Variants in ANO1 observed in about 807,000 individuals in gnomAD.
The protein encoded by ANO1 is anoctamin-1.
In ANO1, 59 loss-of-function variants were observed where a neutral mutation model predicts 124.0. The observed-to-expected ratio is 0.48, with a 90% confidence interval of 0.39 to 0.59. The LOEUF is 0.59. Among genes scored for constraint, ANO1 ranks in the 20% least tolerant of loss-of-function variants. The probability of loss-of-function intolerance (pLI) is 0.00; values close to 1 mark genes in which losing one functional copy is unlikely to be tolerated. For synonymous variants in ANO1, 529 were observed against 532.0 expected (o/e 0.99, Z 0.08); for missense variants, 1,059 against 1,328.0 (o/e 0.80, Z 3.15).
intron 1 of ANO1, among the ~76,000 whole-genome samples, chr11:70,086,756 C>T (rs1229000161): frequency 6.6e-6 from 1 of 152,218 alleles, no homozygotes; most frequent in Admixed American, 6.5e-5. Context: ...CAGGACGGAC[C>T]CCAGCTGCAC....
At position 70,078,469 on chromosome 11, in the gene ANO1, C is replaced by T. The variant is rs886516957; in HGVS notation, c.-138C>T. The T allele has an allele frequency of 4.5e-5, 10 of 219,872 alleles. No individual in the cohort carries two copies. Among genetic ancestry groups the T allele is most frequent in the African/African-American group, 2.1e-4 (9 of 42,158 alleles). 13.6% of individuals were successfully genotyped at this position (219,872 alleles called of 1,614,324 possible). On this transcript the variant is annotated 5_prime_UTR_variant, in exon 1 of 26. Transcript: ENST00000355303. Reference sequence around the variant, plus strand: ...GGGCGGAGCGGGAGGCGGCCACGTCCCCGGCGGGCCTGGGCGCGGGGAGGC... The same window carrying T: ...GGGCGGAGCGGGAGGCGGCCACGTCTCCGGCGGGCCTGGGCGCGGGGAGGC...
At chr11:70,048,699 C>G (rs564480306) in intron 1 of ANO1, among the ~76,000 whole-genome samples, 7 of 148,270 alleles carry the variant, frequency 4.7e-5, no homozygotes, top group Non-Finnish European at 7.4e-5. Context: ...CTCTTCTCCA[C>G]CCCCCACCGC....
chr11:69,995,157 T>C (rs1448893218), intron 1 of ANO1, among the ~76,000 whole-genome samples: 2 of 148,418 alleles, frequency 1.3e-5, no homozygotes, highest in Non-Finnish European at 3.0e-5. Context: ...TGGAGTGCAA[T>C]GGCGTGATCT....
intron 21 of ANO1, 36 bp from the exon 22 acceptor site, chr11:70,170,851 C>T (rs766258311): frequency 3.7e-6 from 6 of 1,603,744 alleles, no homozygotes; most frequent in Admixed American, 1.7e-5. Context: ...GGCTGTGGCT[C>T]ACGGGGTGCT....
rs1351384665 is a variant in ANO1, at chr11:70,174,159, C to T, written c.2350+3120C>T. Among the ~76,000 whole-genome samples, 7 of 151,482 alleles carry T rather than the reference C, an allele frequency of 4.6e-5. No individual in the cohort carries two copies. The East Asian group carries it at 1.4e-3, about 30-fold the overall frequency. ...TTCACCATGTTAGCCAGGATGGTCT[C>T]GATCTCCTGACCTCATGATCCACCC... On this transcript the variant is annotated intron_variant, in intron 22 of 25. Transcript: ENST00000355303.
chr11:69,989,233 C>A (rs1313849930), intron 1 of ANO1, among the ~76,000 whole-genome samples: 3 of 152,128 alleles, frequency 2.0e-5, no homozygotes, highest in African/African-American at 7.2e-5. Flanking sequence ...GATTTGAACT[C>A]CAAGCAAGCA....
At chr11:70,131,178 A>G (rs2046742079) in intron 10 of ANO1, among the ~76,000 whole-genome samples, 1 of 152,234 alleles carries the variant, frequency 6.6e-6, no homozygotes, top group East Asian at 1.9e-4. Context: ...GGGTCACCCC[A>G]GAGGTGAATG....
intron 1 of ANO1, among the ~76,000 whole-genome samples, chr11:70,025,617 GTGATGATGGTGT>G (rs1555003090): frequency 6.7e-6 from 1 of 148,528 alleles, no homozygotes; most frequent in African/African-American, 2.5e-5. Flanking sequence ...AATGATGGTG[GTGATGATGGTGT>G]TGATGATGGT....
At chr11:70,103,892 GC>G in intron 3 of ANO1, 106 bp from the exon 4 acceptor site, 1 of 1,249,418 alleles carries the variant, frequency 8.0e-7, no homozygotes. Flanking sequence ...CTCTCAGGAC[GC>G]CCCGTTGCAT....
intron 6 of ANO1, among the ~76,000 whole-genome samples, chr11:70,109,719 G>C (rs964483424): frequency 6.6e-6 from 1 of 152,172 alleles, no homozygotes; most frequent in Non-Finnish European, 1.5e-5. Context: ...TCCCTGCAGC[G>C]TTCCTTCCAG....
upstream of ANO1, among the ~76,000 whole-genome samples, chr11:69,981,578 C>T (rs1441951167): frequency 2.0e-5 from 3 of 152,240 alleles, no homozygotes; most frequent in Admixed American, 6.5e-5. Context: ...AGGACTGTCA[C>T]TCCAGCAACA....
chr11:70,001,110 T>C (rs1486848419), intron 1 of ANO1, among the ~76,000 whole-genome samples: 1 of 152,178 alleles, frequency 6.6e-6, no homozygotes, highest in Non-Finnish European at 1.5e-5. Flanking sequence ...TTGCAGCAAA[T>C]GTTGGACACT....
chr11:70,109,864 G>A lies in ANO1; in HGVS notation c.799+1460G>A, dbSNP rs7101797. On this transcript the variant is annotated intron_variant, in intron 6 of 25. Coordinates refer to ENST00000355303, the MANE Select transcript of ANO1 (RefSeq NM_018043.7). ...GGTTTTGTGGCGGGGCTGGTTCCCT[G>A]CACCTGGTGACGGGGCAGATAGATG... Among the ~76,000 whole-genome samples, 134 of 152,030 alleles carry A rather than the reference G, an allele frequency of 8.8e-4. 3 individuals are homozygous for A. The highest frequency in any genetic ancestry group is 2.9e-3 in the Admixed American group (45 of 15,278).
intron 15 of ANO1, among the ~76,000 whole-genome samples, chr11:70,156,607 G>T (rs1353267554): frequency 6.6e-6 from 1 of 152,186 alleles, no homozygotes; most frequent in East Asian, 1.9e-4. Flanking sequence ...TTTAGCTGAA[G>T]AAATGGACTC....
Position 70,116,479 on chromosome 11 carries a change from G to T in ANO1, c.877G>T (p.Val293Phe), listed in dbSNP as rs368871647. 5.6e-6 allele frequency: 9 copies of T among 1,598,822 alleles called. No individual in the cohort carries two copies. The highest frequency in any genetic ancestry group is 2.3e-5 in the East Asian group (1 of 44,358). Residue 293 changes from valine (V) to phenylalanine (F), a missense_variant, in exon 8 of 26, where the codon GTC becomes TTC. Transcript: ENST00000355303. ...ACAGGGAGACTACAACGGTGAAAAC[G>T]TCGAGTTCAACGACAGAAAAGTAAG... ...LHDGDYNGEN[V>F]EFNDRKLLYE...
At chr11:70,047,067 C>T (rs1236869893) in intron 1 of ANO1, among the ~76,000 whole-genome samples, 13 of 118,062 alleles carry the variant, frequency 1.1e-4, no homozygotes, top group Admixed American at 9.4e-4. Context: ...GTGACAAGAG[C>T]GAGACTCTGT....
chr11:70,187,187 C>T (rs577723108), intron 25 of ANO1, among the ~76,000 whole-genome samples: 1 of 152,372 alleles, frequency 6.6e-6, no homozygotes, highest in East Asian at 1.9e-4. Flanking sequence ...ACCAGCACCG[C>T]CCGTGGCGGG....
In ANO1 at chr11:70,013,642, A is replaced by T. The variant is rs535227889; in HGVS notation, c.58+27476A>T. Reference sequence around the variant, plus strand: ...AAAACAAAACAAAACAAAACAAAACAAAACAAAAAATTAGCCAGGTGTGGT... The same window carrying T: ...AAAACAAAACAAAACAAAACAAAACTAAACAAAAAATTAGCCAGGTGTGGT... On this transcript the variant is annotated intron_variant, in intron 1 of 27. Transcript: ENST00000531349. Among the ~76,000 whole-genome samples, 1,336 of 151,968 alleles carry T rather than the reference A, an allele frequency of 8.8e-3. 27 individuals carry two copies. Among genetic ancestry groups the T allele is most frequent in the African/African-American group, 0.031 (1,269 of 41,420 alleles).
In ANO1 at chr11:70,078,572, C is replaced by G; in HGVS notation, c.-35C>G. ...GCCGGGGCCGTGGATGGGGAGGGCG[C>G]GCCGCCCGGCGGTCCCAGCGCACAG... is the stretch of plus-strand genomic sequence containing the variant. On this transcript the variant is annotated 5_prime_UTR_variant, in exon 1 of 26. Transcript: ENST00000355303. 7.2e-7 allele frequency: 1 copy of G among 1,398,104 alleles called. No individual in the cohort carries two copies. Among genetic ancestry groups the G allele is most frequent in the Non-Finnish European group, 9.5e-7 (1 of 1,053,966 alleles). 86.6% of individuals were successfully genotyped at this position (1,398,104 alleles called of 1,614,324 possible).
Sources: allele counts gnomAD v4.1 joint callset (sites outside exome capture counted in the v4.1 genomes callset), GRCh38; gene constraint gnomAD v4.1.1; transcripts MANE v1.5; gene names NCBI Gene and HGNC (gene_info 2026-07-23, HGNC 2026-07-21).